Variants in CADPS observed in about 807,000 individuals in gnomAD.
The protein encoded by CADPS is calcium dependent secretion activator.
A neutral mutation model predicts 167.3 loss-of-function variants in CADPS; 57 were observed. The observed-to-expected ratio is 0.34, with a 90% confidence interval of 0.28 to 0.42. The LOEUF is 0.42. Ranked by LOEUF, CADPS falls within the 20% of genes least tolerant of loss-of-function variation. The pLI is 1.00. For missense variants in CADPS, 1,414 were observed against 1,738.1 expected (o/e 0.81, Z 3.32); for synonymous variants, 676 against 635.3 (o/e 1.06, Z -0.96).
chr3:62,721,863 C>G (rs577094045), intron 3 of CADPS, among the ~76,000 whole-genome samples: 2 of 152,108 alleles, frequency 1.3e-5, no homozygotes, highest in African/African-American at 4.8e-5. Flanking sequence ...TTTAAGTAAT[C>G]GCCCAAGTCA....
chr3:62,626,082 C>A (rs2247934), intron 6 of CADPS: 141,783 of 151,818 alleles, frequency 0.93, 66,919 homozygotes, highest in East Asian at 1. Context: ...TTTTCCAAGG[C>A]TGTAATAAAA....
At chr3:62,711,714 G>A (rs971864965) in intron 3 of CADPS, among the ~76,000 whole-genome samples, 1 of 152,190 alleles carries the variant, frequency 6.6e-6, no homozygotes, top group Non-Finnish European at 1.5e-5. Context: ...ACTCCTAGCA[G>A]CTTGGTTATG....
chr3:62,501,188 G>C (rs2065713164), intron 17 of CADPS, among the ~76,000 whole-genome samples: 2 of 152,192 alleles, frequency 1.3e-5, no homozygotes. Flanking sequence ...GTAGATGTGG[G>C]AGCTTAGGTG....
intron 3 of CADPS, among the ~76,000 whole-genome samples, chr3:62,746,212 C>G (rs2081413063): frequency 6.6e-6 from 1 of 152,180 alleles, no homozygotes; most frequent in Admixed American, 6.5e-5. Flanking sequence ...AGAGTATACA[C>G]TTCTAATCAA....
intron 3 of CADPS, among the ~76,000 whole-genome samples, chr3:62,695,918 A>C (rs2080185077): frequency 6.6e-6 from 1 of 152,220 alleles, no homozygotes; most frequent in East Asian, 1.9e-4. Context: ...TTAGTATATA[A>C]GCTTCTGAAC....
At chr3:62,623,518 A>G (rs911457149) in intron 6 of CADPS, among the ~76,000 whole-genome samples, 3 of 152,186 alleles carry the variant, frequency 2.0e-5, no homozygotes, top group African/African-American at 7.2e-5. Context: ...CTACACCGGA[A>G]TGGATTTCTA....
chr3:62,863,048 C>G (rs1428772746), intron 1 of CADPS, among the ~76,000 whole-genome samples: 3 of 152,144 alleles, frequency 2.0e-5, no homozygotes, highest in African/African-American at 7.2e-5. Context: ...TAGTTATGAA[C>G]CAACAATCAT....
chr3:62,478,033 C>A lies in CADPS; in HGVS notation c.3329+228G>T. 2.0e-6 allele frequency: 1 copy of A among 504,988 alleles called. No homozygotes were observed. Among genetic ancestry groups the A allele is most frequent in the Non-Finnish European group, 3.5e-6 (1 of 282,062 alleles). 31.3% of individuals were successfully genotyped at this position (504,988 alleles called of 1,614,324 possible). On this transcript the variant is annotated intron_variant, in intron 23 of 29. Transcript: ENST00000383710. The surrounding 1 kb of genome is among the most constrained non-coding windows in gnomAD (Gnocchi z 5.7). The stretch of plus-strand genomic sequence containing the variant: ...AGGGATCTTTTCCTCTTAAAGCCAA[C>A]AACCATGAAAAAATTGGCAGCCAGA...
intron 13 of CADPS, among the ~76,000 whole-genome samples, chr3:62,527,733 G>A (rs772802871): frequency 6.6e-6 from 1 of 152,102 alleles, no homozygotes; most frequent in African/African-American, 2.4e-5. Flanking sequence ...TGCCTCTGCC[G>A]GTGGAAATGC....
chr3:62,559,011 G>A (rs1230518355), intron 9 of CADPS, among the ~76,000 whole-genome samples: 2 of 152,156 alleles, frequency 1.3e-5, no homozygotes, highest in Non-Finnish European at 2.9e-5. Context: ...TAAGCTGTCC[G>A]TTCTGTAAGC....
intron 6 of CADPS, among the ~76,000 whole-genome samples, chr3:62,606,149 A>G (rs917307159): frequency 6.6e-6 from 1 of 152,070 alleles, no homozygotes; most frequent in African/African-American, 2.4e-5. Flanking sequence ...CTAAGAGAGG[A>G]GTCTTCCTCC....
At chr3:62,638,742 T>C (rs1234626131) in intron 6 of CADPS, among the ~76,000 whole-genome samples, 2 of 152,264 alleles carry the variant, frequency 1.3e-5, no homozygotes. Flanking sequence ...TTTCACCAAC[T>C]CAGAGTCAGT....
At chr3:62,638,076 A>ATT (rs1408551766) in intron 6 of CADPS, among the ~76,000 whole-genome samples, 2 of 31,370 alleles carry the variant, frequency 6.4e-5, no homozygotes, top group African/African-American at 1.3e-4. Flanking sequence ...TGTTTTAAGC[A>ATT]TTATATATAT....
At chr3:62,737,384 G>A (rs973779276) in intron 3 of CADPS, among the ~76,000 whole-genome samples, 2 of 151,862 alleles carry the variant, frequency 1.3e-5, no homozygotes, top group Non-Finnish European at 2.9e-5. Context: ...CAGGAGGATT[G>A]CTGAGCCCAG....
chr3:62,573,230 C>A (rs935592223), intron 8 of CADPS, among the ~76,000 whole-genome samples: 15 of 152,186 alleles, frequency 9.9e-5, no homozygotes, highest in African/African-American at 3.4e-4. Context: ...ATACTTTGTA[C>A]AATGTAAATA....
chr3:62,525,679 A>ATGTGTGTGTG (rs34729200), intron 13 of CADPS, among the ~76,000 whole-genome samples: 2,168 of 148,872 alleles, frequency 0.015, 59 homozygotes, highest in African/African-American at 0.05. Context: ...TAATGTCATT[A>ATGTGTGTGTG]TGTGTGTGTG....
intron 6 of CADPS, among the ~76,000 whole-genome samples, chr3:62,598,081 C>T (rs2059177077): frequency 6.6e-6 from 1 of 152,174 alleles, no homozygotes; most frequent in Non-Finnish European, 1.5e-5. Flanking sequence ...TTCCTCTCCT[C>T]AAATCCACAG....
intron 25 of CADPS, 75 bp downstream of exon 25, chr3:62,466,264 T>C (rs1576426208): frequency 9.7e-7 from 1 of 1,029,882 alleles, no homozygotes; most frequent in East Asian, 2.4e-5. Context: ...TTTTAATGTG[T>C]TACATTTTAA....
At chr3:62,864,333 T>C (rs1473408194) in intron 1 of CADPS, among the ~76,000 whole-genome samples, 1 of 152,136 alleles carries the variant, frequency 6.6e-6, no homozygotes, top group Non-Finnish European at 1.5e-5. Flanking sequence ...AAGTCATGAT[T>C]AGGGATGAAG....
Sources: allele counts gnomAD v4.1 joint callset (sites outside exome capture counted in the v4.1 genomes callset), GRCh38; gene constraint gnomAD v4.1.1; non-coding constraint Gnocchi (gnomAD v3.1); transcripts MANE v1.5; gene names NCBI Gene and HGNC (gene_info 2026-07-23, HGNC 2026-07-21).